Variants in TMEM39B observed in about 807,000 individuals in gnomAD.
TMEM39B encodes transmembrane protein 39B.
A neutral mutation model predicts 52.2 loss-of-function variants in TMEM39B; 23 were observed. The ratio of observed to expected loss-of-function variants is 0.44; its 90% confidence interval spans 0.32 to 0.62. TMEM39B has a LOEUF of 0.62. TMEM39B is among the 20% of genes least tolerant of loss of function. The pLI, the probability that TMEM39B is intolerant of heterozygous loss-of-function variation, is 0.06. For synonymous variants in TMEM39B, 285 were observed against 264.0 expected (o/e 1.08, Z -0.77); for missense variants, 547 against 642.0 (o/e 0.85, Z 1.60).
Position 32,072,946 on chromosome 1 carries a change from GGGACT to G in TMEM39B, c.-99_-95del. On this transcript the variant is annotated 5_prime_UTR_variant, in exon 1 of 9. Transcript: ENST00000336294. ...CGGCGGGAGCGCGCGGCTGATACCC[GGGACT>G]GGGCTGCGGCGGTTAGTCCTCTCCC... 7.0e-7 allele frequency: 1 copy of G among 1,438,298 alleles called. No homozygotes were observed. The highest frequency in any genetic ancestry group is 2.8e-5 in the East Asian group (1 of 35,362). The allele number at this position is 1,438,298 out of a possible 1,614,324, so 89.1% of individuals were successfully genotyped here.
At chr1:32,098,385 A>G (rs926334910) in intron 7 of TMEM39B, among the ~76,000 whole-genome samples, 1 of 152,072 alleles carries the variant, frequency 6.6e-6, no homozygotes, top group Non-Finnish European at 1.5e-5. Flanking sequence ...TGTGACTTGC[A>G]GTCCTCTGGT....
intron 7 of TMEM39B, among the ~76,000 whole-genome samples, chr1:32,098,317 T>A (rs971959027): frequency 1.3e-5 from 2 of 151,974 alleles, no homozygotes; most frequent in African/African-American, 4.8e-5. Context: ...ATTTTTTTTT[T>A]AAATGAGTGA....
rs1639790138 is a variant in TMEM39B, at chr1:32,074,968, A to G, written c.22A>G (p.Asn8Asp). ...CCCCACAGGAGGACGAAGAGGTCCCAACAGGACATCTTACTGTCGAAATCC... is the reference window on the plus strand; with the variant it reads ...CCCCACAGGAGGACGAAGAGGTCCCGACAGGACATCTTACTGTCGAAATCC... MGGRRGP[N>D]RTSYCRNPLC... Residue 8 changes from asparagine to aspartate, a missense_variant, in exon 2 of 9, where the codon AAC becomes GAC. Coordinates refer to ENST00000336294, the MANE Select transcript of TMEM39B (RefSeq NM_018056.4). The G allele has an allele frequency of 1.3e-6, 2 of 1,551,520 alleles. No homozygotes were observed. The highest frequency in any genetic ancestry group is 1.7e-6 in the Non-Finnish European group (2 of 1,146,912).
chr1:32,072,885 A>G, upstream of TMEM39B: 1 of 949,090 alleles, frequency 1.1e-6, no homozygotes, highest in East Asian at 3.2e-5. Flanking sequence ...AGCGCGCGCC[A>G]GCTTCCAGCC....
chr1:32,089,501 A>G (rs1640515427), intron 5 of TMEM39B, among the ~76,000 whole-genome samples: 1 of 151,872 alleles, frequency 6.6e-6, no homozygotes, highest in Non-Finnish European at 1.5e-5. Flanking sequence ...TTCTGTTTTT[A>G]TATTACGGAC....
At chr1:32,075,525 C>T in intron 2 of TMEM39B, 78 bp from the exon 3 acceptor site, 4 of 1,434,264 alleles carry the variant, frequency 2.8e-6, no homozygotes, top group Non-Finnish European at 3.8e-6. Flanking sequence ...GATCTTATCC[C>T]ACAATCCTTT....
rs1639796490 is a variant in TMEM39B, at chr1:32,075,074, C to G, written c.128C>G (p.Thr43Ser). The G allele has an allele frequency of 6.5e-7, 1 of 1,549,436 alleles. No individual in the cohort carries two copies. The highest frequency in any genetic ancestry group is 8.7e-7 in the Non-Finnish European group (1 of 1,145,754). Reference protein sequence around the residue: ...SASVTSVRSRTRSSSGTGLSS... With the variant: ...SASVTSVRSRSRSSSGTGLSS... ...TCGGTGACCAGTGTTCGTTCCCGCA[C>G]CAGGTAAACCACCTCTCTGTCTCAC... Residue 43 changes from threonine (T) to serine (S), a missense_variant, in exon 2 of 9, where the codon ACC (threonine) becomes AGC (serine). Transcript: ENST00000336294.
At position 32,091,912 on chromosome 1, in the gene TMEM39B, G is replaced by A. The variant is rs1244506308; in HGVS notation, c.828G>A (p.Glu276=). The change falls in exon 6 of 9, where the codon GAG becomes GAA. Residue 276 remains glutamate, a synonymous_variant. Coordinates refer to ENST00000336294, the MANE Select transcript of TMEM39B (RefSeq NM_018056.4). ...CCAGCCTCATCCGCAGTGAGGTGGAGTTCCTCAAGATGGACTTCAACTGGC... is the reference window on the plus strand; with the variant it reads ...CCAGCCTCATCCGCAGTGAGGTGGAATTCCTCAAGATGGACTTCAACTGGC... The part of the protein sequence containing the change: ...LSPSLIRSEV[E]FLKMDFNWRM... The A allele has an allele frequency of 3.7e-6, 6 of 1,614,242 alleles. No individual in the cohort carries two copies. Among genetic ancestry groups the A allele is most frequent in the Non-Finnish European group, 5.1e-6 (6 of 1,180,044 alleles).
At chr1:32,095,899 G>T (rs2124492131) in intron 7 of TMEM39B, 1 of 152,570 alleles carries the variant, frequency 6.6e-6, no homozygotes, top group South Asian at 2.1e-4. Context: ...TTGCTGATTG[G>T]GCCAAAAGGA....
At chr1:32,076,968 G>A in intron 4 of TMEM39B, 122 bp downstream of exon 4, 2 of 1,323,866 alleles carry the variant, frequency 1.5e-6, no homozygotes, top group East Asian at 2.3e-5. Flanking sequence ...TTTGGACTTG[G>A]TTGAAGAACA....
chr1:32,101,139 A>G (rs1641004329), intron 8 of TMEM39B, among the ~76,000 whole-genome samples: 1 of 152,184 alleles, frequency 6.6e-6, no homozygotes, highest in South Asian at 2.1e-4. Context: ...TGGCAGTGAA[A>G]GACAATACTG....
At chr1:32,085,130 C>G (rs1343022815) in intron 5 of TMEM39B, among the ~76,000 whole-genome samples, 1 of 152,054 alleles carries the variant, frequency 6.6e-6, no homozygotes, top group Non-Finnish European at 1.5e-5. Context: ...CTTTTTTAAC[C>G]TGGAGATTTG....
upstream of TMEM39B, chr1:32,072,814 T>TG: frequency 1.8e-6 from 1 of 544,368 alleles, no homozygotes; most frequent in Non-Finnish European, 3.2e-6. Flanking sequence ...AGGAAGGGCG[T>TG]GGGGGACCGA....
chr1:32,102,376 A>G (rs1028306898), intron 8 of TMEM39B, 55 bp from the exon 9 acceptor site: 16 of 1,575,992 alleles, frequency 1.0e-5, no homozygotes, highest in Non-Finnish European at 1.3e-5. Context: ...ACCCCCATCC[A>G]GGAGGAAGAT....
chr1:32,077,374 C>T (rs1639911811), intron 5 of TMEM39B, 56 bp downstream of exon 5: 2 of 1,598,096 alleles, frequency 1.3e-6, no homozygotes, highest in Non-Finnish European at 1.7e-6. Flanking sequence ...TGACCTCTGC[C>T]CTGACCGTAG....
In TMEM39B at chr1:32,094,920, G is replaced by A; in HGVS notation, c.1064G>A (p.Gly355Asp). The change falls in exon 7 of 9, where the codon GGC (glycine) becomes GAC (aspartate). Residue 355 changes from glycine (G) to aspartate (D), a missense_variant. By Grantham distance (94) the Gly-to-Asp change is moderately conservative. Coordinates refer to ENST00000336294, the MANE Select transcript of TMEM39B (RefSeq NM_018056.4). ...CTGCACAAGGCCGCCGCCCATCTGG[G>A]CTGTTGGCAGAAGGTGGACCCAGCG... Reference protein sequence around the residue: ...DLLHKAAAHLGCWQKVDPALC... With the variant: ...DLLHKAAAHLDCWQKVDPALC... The A allele has an allele frequency of 6.2e-7, 1 of 1,613,870 alleles. No individual in the cohort carries two copies. The highest frequency in any genetic ancestry group is 8.5e-7 in the Non-Finnish European group (1 of 1,180,050).
intron 5 of TMEM39B, among the ~76,000 whole-genome samples, chr1:32,085,606 C>T (rs1640310964): frequency 2.0e-5 from 3 of 152,022 alleles, no homozygotes; most frequent in Admixed American, 6.6e-5. Flanking sequence ...CAAAAATTAG[C>T]TGGGTGTGGT....
At chr1:32,086,031 T>C (rs1640334177) in intron 5 of TMEM39B, among the ~76,000 whole-genome samples, 1 of 152,064 alleles carries the variant, frequency 6.6e-6, no homozygotes, top group Admixed American at 6.6e-5. Flanking sequence ...GTTGTTAGGC[T>C]TTGAGCCTCC....
chr1:32,080,828 A>G (rs1557914198), intron 5 of TMEM39B, among the ~76,000 whole-genome samples: 1 of 152,106 alleles, frequency 6.6e-6, no homozygotes, highest in Non-Finnish European at 1.5e-5. Context: ...CCAAATATAA[A>G]CATATTGTAA....
Sources: gnomAD v4.1 joint callset for allele counts (sites outside exome capture counted in the v4.1 genomes callset) on GRCh38, gnomAD v4.1.1 for gene constraint, MANE v1.5 for transcripts, NCBI Gene and HGNC (gene_info 2026-07-23, HGNC 2026-07-21) for gene names.